Variants in SNX24 observed in about 807,000 individuals in gnomAD.
SNX24 encodes the protein sorting nexin 24.
Under a neutral mutation model 28.7 loss-of-function variants are expected in SNX24, and 22 were observed. The ratio of observed to expected loss-of-function variants is 0.77; its 90% confidence interval spans 0.55 to 1.10. The LOEUF (loss-of-function observed/expected upper bound fraction) is 1.10. Among genes scored for constraint, SNX24 ranks in the 50% least tolerant of loss-of-function variants. The pLI, the probability that SNX24 is intolerant of heterozygous loss-of-function variation, is 0.00. For missense variants in SNX24, 221 were observed against 201.1 expected (o/e 1.10, Z -0.60); for synonymous variants, 69 against 71.5 (o/e 0.96, Z 0.18).
intron 3 of SNX24, among the ~76,000 whole-genome samples, chr5:122,967,878 G>A (rs968367813): frequency 6.6e-6 from 1 of 152,186 alleles, no homozygotes; most frequent in African/African-American, 2.4e-5. Context: ...CTGCGCTGTC[G>A]CTTCTGCAAG....
chr5:122,887,764 G>A (rs144598), intron 1 of SNX24, among the ~76,000 whole-genome samples: 117,968 of 151,894 alleles, frequency 0.78, 46,835 homozygotes, highest in East Asian at 0.99. Flanking sequence ...GTGCAATGGC[G>A]TGATCTTGGC....
intron 1 of SNX24, among the ~76,000 whole-genome samples, chr5:122,913,349 A>AC (rs1235252018): frequency 1.7e-5 from 2 of 119,416 alleles, no homozygotes; most frequent in East Asian, 2.5e-4. Context: ...GCGGGGGCTG[A>AC]CCCCCCACCT....
chr5:122,880,513 C>T (rs1437725572), intron 1 of SNX24, among the ~76,000 whole-genome samples: 1 of 152,194 alleles, frequency 6.6e-6, no homozygotes, highest in African/African-American at 2.4e-5. Context: ...ATGCATGAAC[C>T]TGCCTGCCTG....
At chr5:122,879,595 G>C (rs1756385035) in intron 1 of SNX24, among the ~76,000 whole-genome samples, 1 of 152,188 alleles carries the variant, frequency 6.6e-6, no homozygotes, top group South Asian at 2.1e-4. Flanking sequence ...GTGAGACATT[G>C]AGTGAGTTAC....
At chr5:122,871,849 TG>T (rs1420679938) in intron 1 of SNX24, among the ~76,000 whole-genome samples, 1 of 152,128 alleles carries the variant, frequency 6.6e-6, no homozygotes, top group Non-Finnish European at 1.5e-5. Flanking sequence ...TGTTAAGTTT[TG>T]GAGCCAGATA....
In SNX24 at chr5:122,947,958, G is replaced by A. The variant is rs563074751; in HGVS notation, c.249+1799G>A. Among the ~76,000 whole-genome samples, 7 of 152,296 alleles carry A rather than the reference G, an allele frequency of 4.6e-5. No individual in the cohort carries two copies. In the South Asian group the frequency reaches 1.5e-3, roughly 32 times the overall value. ...TATGTGCATAAAATCATCTGGCACA[G>A]AGAGGAGTTTATAGTGACACTCAAA... On this transcript the variant is annotated intron_variant, in intron 3 of 6. Transcript: ENST00000261369.
At chr5:122,977,816 G>C (rs1202456330) in intron 3 of SNX24, among the ~76,000 whole-genome samples, 1 of 152,160 alleles carries the variant, frequency 6.6e-6, no homozygotes, top group Admixed American at 6.6e-5. Context: ...TGGAAATAGA[G>C]AGTTCTATTG....
At chr5:122,881,580 T>C (rs1252611580) in intron 1 of SNX24, among the ~76,000 whole-genome samples, 1 of 152,178 alleles carries the variant, frequency 6.6e-6, no homozygotes, top group African/African-American at 2.4e-5. Context: ...TGATATTCTG[T>C]CTTTCTGACT....
intron 4 of SNX24, among the ~76,000 whole-genome samples, chr5:123,000,449 A>T (rs1208048899): frequency 6.6e-6 from 1 of 152,228 alleles, no homozygotes; most frequent in Non-Finnish European, 1.5e-5. Context: ...GCAAACAGAG[A>T]CACAGGAATT....
At position 122,846,829 on chromosome 5, in the gene SNX24, G is replaced by GGA. The variant is rs570047479; in HGVS notation, c.60+1140_60+1141dup. ...GCTTTCCTTGGGAAGGAAAATGCAGGGAGAGGGAGCTGTGTTCCATAGTGG... is the reference window on the plus strand; with the variant it reads ...GCTTTCCTTGGGAAGGAAAATGCAGGGAGAGAGGGAGCTGTGTTCCATAGTGG... On this transcript the variant is annotated intron_variant, in intron 1 of 6. Transcript: ENST00000261369. Among the ~76,000 whole-genome samples the GGA allele has an allele frequency of 4.0e-4, 61 of 152,300 alleles. No individual in the cohort carries two copies. The South Asian group carries it at 0.011, about 26-fold the overall frequency.
At chr5:122,886,188 G>A (rs2150065774) in intron 1 of SNX24, among the ~76,000 whole-genome samples, 1 of 152,298 alleles carries the variant, frequency 6.6e-6, no homozygotes, top group East Asian at 1.9e-4. Context: ...TAAGGTGGAA[G>A]ACTAAAGACA....
chr5:122,971,638 A>C lies in SNX24; in HGVS notation c.249+25479A>C, dbSNP rs938916749. On this transcript the variant is annotated intron_variant, in intron 3 of 6. Transcript: ENST00000261369. ...AAGTTAACATTTAAATGCTGATAAG[A>C]AATCCATTTATCTTATATCACATGA... 2.0e-5 allele frequency among the ~76,000 whole-genome samples: 3 copies of C among 152,246 alleles called. No individual in the cohort carries two copies. The South Asian group carries it at 6.2e-4, about 32-fold the overall frequency.
At chr5:122,896,900 A>G (rs138902057) in intron 1 of SNX24, among the ~76,000 whole-genome samples, 198 of 152,332 alleles carry the variant, frequency 1.3e-3, no homozygotes, top group African/African-American at 4.5e-3. Flanking sequence ...TTTAACTCTA[A>G]CCACCAAACA....
chr5:122,899,259 G>A (rs973822199), intron 1 of SNX24, among the ~76,000 whole-genome samples: 18 of 152,150 alleles, frequency 1.2e-4, no homozygotes, highest in Admixed American at 9.8e-4. Flanking sequence ...GGCAGTAGAT[G>A]TTCTAAGGGG....
intron 3 of SNX24, 57 bp downstream of exon 3, chr5:122,946,216 C>A: frequency 9.7e-7 from 1 of 1,029,012 alleles, no homozygotes. Context: ...TGTCTTACCA[C>A]TTTTTCTCAG....
At chr5:122,911,788 G>A (rs1257176094) in intron 1 of SNX24, among the ~76,000 whole-genome samples, 1 of 61,296 alleles carries the variant, frequency 1.6e-5, no homozygotes, top group Non-Finnish European at 2.7e-5. Flanking sequence ...GTAGATAAGC[G>A]GCGTTATTTC....
chr5:122,930,467 C>T (rs373944532), intron 1 of SNX24, among the ~76,000 whole-genome samples: 2 of 152,138 alleles, frequency 1.3e-5, no homozygotes, highest in Non-Finnish European at 2.9e-5. Flanking sequence ...AGTTTAGGGT[C>T]ATCCTGATCT....
chr5:122,943,728 A>G (rs142533196), intron 2 of SNX24, among the ~76,000 whole-genome samples: 1 of 152,258 alleles, frequency 6.6e-6, no homozygotes, highest in African/African-American at 2.4e-5. Flanking sequence ...ACCATCATAC[A>G]ATACACAATG....
chr5:122,960,613 T>G, intron 3 of SNX24, among the ~76,000 whole-genome samples: 1 of 152,192 alleles, frequency 6.6e-6, no homozygotes, highest in East Asian at 1.9e-4. Flanking sequence ...TTTCTTTAAG[T>G]CCTGTGCAGA....
Sources: gnomAD v4.1 joint callset for allele counts (sites outside exome capture counted in the v4.1 genomes callset) on GRCh38, gnomAD v4.1.1 for gene constraint, MANE v1.5 for transcripts, NCBI Gene and HGNC (gene_info 2026-07-23, HGNC 2026-07-21) for gene names.